Variants in EXOC6B observed in about 807,000 individuals in gnomAD.
The protein encoded by EXOC6B is exocyst complex component 6B, also known as SEC15 homolog B.
Under a neutral mutation model 113.5 loss-of-function variants are expected in EXOC6B, and 54 were observed. The ratio of observed to expected loss-of-function variants is 0.48; its 90% CI spans 0.38 to 0.60. EXOC6B has a LOEUF of 0.60. Ranked by LOEUF, EXOC6B falls within the 20% of genes least tolerant of loss-of-function variation. The pLI is 0.00. For synonymous variants in EXOC6B, 357 were observed against 339.0 expected (o/e 1.05, Z -0.58); for missense variants, 797 against 977.5 (o/e 0.82, Z 2.46).
chr2:72,647,224 T>C lies in EXOC6B; in HGVS notation c.669+70879A>G, dbSNP rs559280512. ...ACCTAGGAATCCAACTTACAAGGGA[T>C]GTGAAGGACCTCTTCAAGGAGAACT... On this transcript the variant is annotated intron_variant, in intron 6 of 21. Transcript: ENST00000272427. Among the ~76,000 whole-genome samples the C allele has an allele frequency of 3.9e-5, 6 of 152,188 alleles. No homozygotes were observed. In the South Asian group the frequency reaches 1.0e-3, roughly 26 times the overall value.
At chr2:72,262,565 C>G (rs945795001) in intron 20 of EXOC6B, among the ~76,000 whole-genome samples, 6 of 152,164 alleles carry the variant, frequency 3.9e-5, no homozygotes, top group South Asian at 4.2e-4. Flanking sequence ...GGTGGGGAAG[C>G]CTTGGCTTAT....
At chr2:72,572,326 A>C (rs1704562189) in intron 7 of EXOC6B, among the ~76,000 whole-genome samples, 2 of 152,172 alleles carry the variant, frequency 1.3e-5, no homozygotes, top group Admixed American at 6.6e-5. Flanking sequence ...GTATAATCAC[A>C]ATCTGCATTA....
At chr2:72,755,938 T>C (rs1682384854) in intron 1 of EXOC6B, among the ~76,000 whole-genome samples, 1 of 152,162 alleles carries the variant, frequency 6.6e-6, no homozygotes, top group Admixed American at 6.5e-5. Flanking sequence ...TCTTAACTAC[T>C]GATGATTAAA....
chr2:72,429,263 C>G (rs1695382400), intron 18 of EXOC6B, among the ~76,000 whole-genome samples: 1 of 152,118 alleles, frequency 6.6e-6, no homozygotes, highest in Non-Finnish European at 1.5e-5. Context: ...GTTAGCCATT[C>G]CTATCCAAAA....
intron 19 of EXOC6B, among the ~76,000 whole-genome samples, chr2:72,366,291 AC>A (rs1195999293): frequency 3.9e-5 from 6 of 152,018 alleles, no homozygotes; most frequent in Admixed American, 2.0e-4. Flanking sequence ...AAAAAAAAAA[AC>A]ACCTCAAATG....
At chr2:72,562,668 T>G (rs532798983) in intron 7 of EXOC6B, among the ~76,000 whole-genome samples, 23 of 152,292 alleles carry the variant, frequency 1.5e-4, no homozygotes, top group African/African-American at 5.0e-4. Flanking sequence ...CAAATCATTA[T>G]CGACTGCAAC....
At chr2:72,253,703 G>C (rs1683166517) in intron 20 of EXOC6B, among the ~76,000 whole-genome samples, 1 of 152,154 alleles carries the variant, frequency 6.6e-6, no homozygotes, top group South Asian at 2.1e-4. Context: ...CTCCAGGGTG[G>C]AGGGTAGGAG....
chr2:72,211,269 C>T (rs866030683), intron 20 of EXOC6B, among the ~76,000 whole-genome samples: 1 of 152,200 alleles, frequency 6.6e-6, no homozygotes, highest in Middle Eastern at 3.4e-3. Flanking sequence ...AGTTTTTGGA[C>T]TAATTGATTT....
At chr2:72,544,412 A>T (rs1455696772) in intron 8 of EXOC6B, among the ~76,000 whole-genome samples, 1 of 152,044 alleles carries the variant, frequency 6.6e-6, no homozygotes, top group Non-Finnish European at 1.5e-5. Context: ...GATTTTTTTT[A>T]AAACTGAGTC....
intron 1 of EXOC6B, among the ~76,000 whole-genome samples, chr2:72,775,903 T>A (rs573865000): frequency 6.6e-6 from 1 of 152,324 alleles, no homozygotes; most frequent in South Asian, 2.1e-4. Flanking sequence ...CAAATGCCTA[T>A]AGTAAAACCA....
intron 1 of EXOC6B, among the ~76,000 whole-genome samples, chr2:72,814,211 C>T (rs1275618281): frequency 3.9e-5 from 6 of 152,118 alleles, no homozygotes; most frequent in Non-Finnish European, 1.5e-5. Context: ...TATTTTAATC[C>T]AAATCATCAC....
chr2:72,268,636 G>C (rs932685776), intron 20 of EXOC6B, among the ~76,000 whole-genome samples: 2 of 152,106 alleles, frequency 1.3e-5, no homozygotes, highest in African/African-American at 4.8e-5. Context: ...GTAGGAGGTA[G>C]GGACTGGTAG....
chr2:72,634,834 T>G (rs888210710), intron 6 of EXOC6B, among the ~76,000 whole-genome samples: 11 of 151,510 alleles, frequency 7.3e-5, no homozygotes, highest in Admixed American at 6.6e-4. Flanking sequence ...ACAGAACATA[T>G]AAAAAGATAG....
At chr2:72,497,655 A>T (rs1276704577) in intron 13 of EXOC6B, among the ~76,000 whole-genome samples, 1 of 152,196 alleles carries the variant, frequency 6.6e-6, no homozygotes, top group African/African-American at 2.4e-5. Flanking sequence ...GGACTAAGTG[A>T]TGATCAGAGA....
chr2:72,567,395 A>G (rs1016455386), intron 7 of EXOC6B, among the ~76,000 whole-genome samples: 1 of 152,084 alleles, frequency 6.6e-6, no homozygotes, highest in Non-Finnish European at 1.5e-5. Context: ...CCAAAAGATT[A>G]AATATGCTGA....
intron 1 of EXOC6B, among the ~76,000 whole-genome samples, chr2:72,746,756 GT>G (rs1681723403): frequency 6.6e-6 from 1 of 151,990 alleles, no homozygotes; most frequent in South Asian, 2.1e-4. Flanking sequence ...TGAGAAACCT[GT>G]AACCCAAGAT....
intron 18 of EXOC6B, 187 bp downstream of exon 18, chr2:72,464,973 C>T: frequency 1.7e-6 from 1 of 586,010 alleles, no homozygotes; most frequent in East Asian, 2.8e-5. Context: ...GAAAAAAATG[C>T]AAAGGTCAAT....
chr2:72,364,625 C>T (rs947795605), intron 19 of EXOC6B, among the ~76,000 whole-genome samples: 4 of 152,098 alleles, frequency 2.6e-5, no homozygotes, highest in Admixed American at 2.6e-4. Flanking sequence ...GATGTAGATT[C>T]TCCTACGGTT....
intron 20 of EXOC6B, among the ~76,000 whole-genome samples, chr2:72,286,888 T>C (rs770857182): frequency 6.6e-6 from 1 of 152,162 alleles, no homozygotes; most frequent in Admixed American, 6.5e-5. Flanking sequence ...TTACTCATGT[T>C]TCAAGAAGAA....
Sources: gnomAD v4.1 joint callset for allele counts (sites outside exome capture counted in the v4.1 genomes callset) on GRCh38, gnomAD v4.1.1 for gene constraint, MANE v1.5 for transcripts, NCBI Gene and HGNC (gene_info 2026-07-23, HGNC 2026-07-21) for gene names.